Variants in UBP1 observed in about 807,000 individuals in gnomAD.
The protein encoded by UBP1 is upstream binding protein 1.
In UBP1, 22 loss-of-function variants were observed where a neutral mutation model predicts 76.1. That is an observed-to-expected ratio of 0.29 (90% confidence interval 0.21 to 0.41). UBP1 has a LOEUF of 0.41. UBP1 is among the 10% of genes least tolerant of loss of function. The probability of loss-of-function intolerance (pLI) is 1.00; values close to 1 mark genes in which losing one functional copy is unlikely to be tolerated. For missense variants in UBP1, 436 were observed against 668.1 expected (o/e 0.65, Z 3.83); for synonymous variants, 224 against 237.1 (o/e 0.94, Z 0.51).
chr3:33,424,969 TG>T (rs1396369306), intron 2 of UBP1, among the ~76,000 whole-genome samples: 2 of 151,674 alleles, frequency 1.3e-5, no homozygotes, highest in African/African-American at 4.8e-5. Flanking sequence ...TGCTTTAACC[TG>T]GGGGGCGGAG....
chr3:33,430,856 A>C (rs1364872191), intron 1 of UBP1, among the ~76,000 whole-genome samples: 3 of 152,172 alleles, frequency 2.0e-5, no homozygotes, highest in Admixed American at 6.5e-5. Flanking sequence ...GCTCCTTTGC[A>C]ATCAAATACT....
At chr3:33,425,859 G>T in intron 1 of UBP1, 118 bp from the exon 2 acceptor site, 2 of 902,144 alleles carry the variant, frequency 2.2e-6, no homozygotes, top group Non-Finnish European at 3.0e-6. Flanking sequence ...TAAACATTTA[G>T]GGATAGTTTT....
At chr3:33,437,830 T>A (rs959054509) in intron 1 of UBP1, among the ~76,000 whole-genome samples, 5 of 152,198 alleles carry the variant, frequency 3.3e-5, no homozygotes, top group Admixed American at 6.5e-5. Flanking sequence ...TTTCTCCTTA[T>A]CGAGTCAATT....
rs142214299 is a variant in UBP1 at position 33,437,613 on chromosome 3, A to G, written c.113+2123T>C. On this transcript the variant is annotated intron_variant, in intron 1 of 15. Coordinates refer to ENST00000283629, the MANE Select transcript of UBP1 (RefSeq NM_014517.5). The stretch of plus-strand genomic sequence containing the variant: ...CTGCCTACAAAATCAATTTGTATCA[A>G]GAAGTCATTTTTCCAGTAATTTCTT... Among the ~76,000 whole-genome samples the G allele has an allele frequency of 1.3e-3, 194 of 152,394 alleles. 1 individual carries two copies. Among genetic ancestry groups the G allele is most frequent in the African/African-American group, 4.4e-3 (185 of 41,594 alleles).
intron 8 of UBP1, among the ~76,000 whole-genome samples, chr3:33,406,681 G>A (rs992835303): frequency 1.3e-5 from 2 of 152,188 alleles, no homozygotes; most frequent in South Asian, 2.1e-4. Flanking sequence ...AGCAAGCGAT[G>A]GTGCAGTGCC....
chr3:33,396,408 A>C (rs1285426115), intron 12 of UBP1, 128 bp from the exon 13 acceptor site: 2 of 662,186 alleles, frequency 3.0e-6, no homozygotes, highest in African/African-American at 3.6e-5. Context: ...TTCGTTATAC[A>C]AAGTAATTTA....
chr3:33,395,945 T>C (rs543502622), intron 13 of UBP1, among the ~76,000 whole-genome samples: 15 of 151,472 alleles, frequency 9.9e-5, no homozygotes, highest in South Asian at 4.2e-4. Context: ...AACAGACCCA[T>C]AGTGTGGCTG....
intron 1 of UBP1, among the ~76,000 whole-genome samples, chr3:33,431,465 C>G (rs1160842054): frequency 6.6e-6 from 1 of 152,148 alleles, no homozygotes; most frequent in African/African-American, 2.4e-5. Flanking sequence ...CCGCCGGGTG[C>G]AGTGGCTCAC....
chr3:33,407,247 A>C (rs958472456), intron 8 of UBP1, among the ~76,000 whole-genome samples: 4 of 152,140 alleles, frequency 2.6e-5, no homozygotes, highest in African/African-American at 9.7e-5. Flanking sequence ...GACGTTTTGC[A>C]TACTTTAGAC....
rs199756357 is a variant in UBP1, at chr3:33,437,073, AAACAAAAACAAC to A, written c.113+2651_113+2662del. On this transcript the variant is annotated intron_variant, in intron 1 of 15. Coordinates refer to ENST00000283629, the MANE Select transcript of UBP1 (RefSeq NM_014517.5). ...CCAAATATAACCACCAAAAAAGACT[AAACAAAAACAAC>A]AACAAAAAAGTATAATACAACAGCA... 2.3e-4 allele frequency among the ~76,000 whole-genome samples: 35 copies of A among 152,282 alleles called. 1 individual carries two copies. In the East Asian group the frequency reaches 6.2e-3, roughly 27 times the overall value.
At chr3:33,429,016 CTATA>C (rs1465497190) in intron 1 of UBP1, among the ~76,000 whole-genome samples, 1 of 152,108 alleles carries the variant, frequency 6.6e-6, no homozygotes, top group Non-Finnish European at 1.5e-5. Flanking sequence ...TACCCTAGCT[CTATA>C]CACAGCTCTT....
chr3:33,391,300 G>A (rs1285983125), intron 15 of UBP1: 1 of 152,208 alleles, frequency 6.6e-6, no homozygotes, highest in Non-Finnish European at 1.5e-5. Context: ...TAGCTCACCT[G>A]ACTTTTAAAA....
upstream of UBP1, chr3:33,440,958 T>G (rs2045292736): frequency 6.6e-6 from 1 of 152,232 alleles, no homozygotes; most frequent in Non-Finnish European, 1.5e-5. Flanking sequence ...CAGAAAACCT[T>G]GATTGGCGTG....
At chr3:33,402,765 G>C (rs2044277394) in intron 9 of UBP1, 36 bp downstream of exon 9, 15 of 1,428,468 alleles carry the variant, frequency 1.1e-5, no homozygotes, top group Non-Finnish European at 1.4e-5. Flanking sequence ...ATGAGCATTA[G>C]TTAGCTGCAG....
chr3:33,411,342 G>T (rs1278836596), intron 5 of UBP1, among the ~76,000 whole-genome samples: 1 of 152,084 alleles, frequency 6.6e-6, no homozygotes, highest in African/African-American at 2.4e-5. Context: ...TCATTATTGG[G>T]ACTACTAGTG....
chr3:33,424,266 A>G (rs115476978), intron 2 of UBP1, among the ~76,000 whole-genome samples: 130 of 152,362 alleles, frequency 8.5e-4, no homozygotes, highest in African/African-American at 3.0e-3. Flanking sequence ...GGGAATTGTC[A>G]CAAGTGCCAG....
chr3:33,440,128 G>A lies in UBP1; in HGVS notation c.-280C>T, dbSNP rs1575496838. On this transcript the variant is annotated 5_prime_UTR_variant, in exon 1 of 16. Coordinates refer to ENST00000283629, the MANE Select transcript of UBP1 (RefSeq NM_014517.5). ...ATGCCGGCGCCGCCGCCCAGCCCCC[G>A]CGCCGCTAGCGCTGCAGCCGCCGCC... 2.6e-5 allele frequency: 6 copies of A among 229,530 alleles called. No homozygotes were observed. Among genetic ancestry groups the A allele is most frequent in the African/African-American group, 1.2e-4 (5 of 43,128 alleles). The allele number at this position is 229,530 out of a possible 1,614,324, so 14.2% of individuals were successfully genotyped here.
At chr3:33,434,151 C>T (rs147290160) in intron 1 of UBP1, among the ~76,000 whole-genome samples, 173 of 152,042 alleles carry the variant, frequency 1.1e-3, no homozygotes, top group Non-Finnish European at 2.0e-3. Context: ...CTTACAGGGG[C>T]GGGGGAACCC....
In UBP1 at chr3:33,393,397, G is replaced by A. The variant is rs751356159; in HGVS notation, c.1448C>T (p.Ala483Val). The A allele has an allele frequency of 1.9e-6, 3 of 1,612,850 alleles. No homozygotes were observed. The highest frequency in any genetic ancestry group is 1.7e-5 in the Admixed American group (1 of 59,908). ...GTGGAGAGGGATATTAAACACCAGC[G>A]CAAGTTTTCGAGCAACTTCTGAGGC... ...MIASEVARKL[A>V]LVFNIPLHQI... Residue 483 changes from alanine (A) to valine (V), a missense_variant, in exon 14 of 16, where the codon GCG becomes GTG. By Grantham distance (64) the Ala-to-Val change is moderately conservative (BLOSUM62 0). Transcript: ENST00000283629.
Sources: allele counts gnomAD v4.1 joint callset (sites outside exome capture counted in the v4.1 genomes callset), GRCh38; gene constraint gnomAD v4.1.1; transcripts MANE v1.5; gene names NCBI Gene and HGNC (gene_info 2026-07-23, HGNC 2026-07-21).